The following TPT1 variants were observed in gnomAD, a reference collection of about 807,000 sequenced individuals.
TPT1 encodes the protein translationally-controlled tumor protein.
A neutral mutation model predicts 22.8 loss-of-function variants in TPT1; 5 were observed. The observed-to-expected ratio is 0.22, with a 90% CI of 0.11 to 0.46. TPT1 has a LOEUF of 0.46. TPT1 is among the 20% of genes least tolerant of loss of function. The pLI is 0.99. For synonymous variants in TPT1, 89 were observed against 73.6 expected, an observed-to-expected ratio of 1.21 and a Z score of -1.07; for missense variants, 130 against 218.7, an observed-to-expected ratio of 0.59 and a Z score of 2.56.
chr13:45,336,549 A>T lies in TPT1; in HGVS notation c.*837T>A, dbSNP rs1015325592. The T allele has an allele frequency of 5.9e-5, 9 of 152,200 alleles. No homozygotes were observed. Among genetic ancestry groups the T allele is most frequent in the Non-Finnish European group, 1.2e-4 (8 of 68,042 alleles). The allele number at this position is 152,200 out of a possible 1,614,324, so 9.4% of individuals were successfully genotyped here. A position where few individuals can be genotyped will look rare whatever the true frequency, so the allele number is the denominator to read the frequency against. On this transcript the variant is annotated 3_prime_UTR_variant, in exon 6 of 6. Coordinates refer to ENST00000530705, the MANE Select transcript of TPT1 (RefSeq NM_003295.4). ...CATTCTGTGTACCTTCATCTTTTAA[A>T]TCAGGGGCTGGCAAACTTGCAGGCT...
chr13:45,338,690 G>C lies in TPT1; in HGVS notation c.486C>G (p.Phe162Leu). 6.2e-7 allele frequency: 1 copy of C among 1,613,376 alleles called. No homozygotes were observed. The highest frequency in any genetic ancestry group is 8.5e-7 in the Non-Finnish European group (1 of 1,179,852). ...REDGVTPYMI[F>L]FKDGLEMEKC ...TTTCCATTTCTAAACCATCCTTAAAGAAAATCATATATGGGGTCACACCAT... is the reference window on the plus strand; with the variant it reads ...TTTCCATTTCTAAACCATCCTTAAACAAAATCATATATGGGGTCACACCAT... The change falls in exon 5 of 6, where the codon TTC becomes TTG. Residue 162 changes from phenylalanine (F) to leucine (L), a missense_variant. By Grantham distance (22) the Phe-to-Leu change is conservative. Transcript: ENST00000530705.
chr13:45,337,075 A>T lies in TPT1; in HGVS notation c.*311T>A, dbSNP rs2138323720. 3 of 403,232 alleles carry T rather than the reference A, an allele frequency of 7.4e-6. No homozygotes were observed. In the South Asian group the frequency reaches 8.7e-5, roughly 12 times the overall value. The allele number at this position is 403,232 out of a possible 1,614,324, so 25.0% of individuals were successfully genotyped here. A position where few individuals can be genotyped will look rare whatever the true frequency, so the allele number is the denominator to read the frequency against. Reference sequence around the variant, plus strand: ...AGAAGTAGTCTCCACTGTAGAAGTTAATTGATGAGTAGTAGCCTACAATCA... The same window carrying T: ...AGAAGTAGTCTCCACTGTAGAAGTTTATTGATGAGTAGTAGCCTACAATCA... On this transcript the variant is annotated 3_prime_UTR_variant, in exon 6 of 6. Coordinates refer to ENST00000530705, the MANE Select transcript of TPT1 (RefSeq NM_003295.4).
chr13:45,340,560 G>A (rs1170840230), intron 2 of TPT1, 152 bp downstream of exon 2: 4 of 974,512 alleles, frequency 4.1e-6, no homozygotes, highest in Non-Finnish European at 3.2e-6. Flanking sequence ...GATCAGCTCC[G>A]CCTCCAGTTT....
At position 45,336,166 on chromosome 13, in the gene TPT1, T is replaced by C. The variant is rs1329473772; in HGVS notation, c.*1220A>G. Reference sequence around the variant, plus strand: ...TACAAAAATTAGCTGGGCATAGGGGTGCATGCCTGCAGTCCCAGCAACTAG... The same window carrying C: ...TACAAAAATTAGCTGGGCATAGGGGCGCATGCCTGCAGTCCCAGCAACTAG... On this transcript the variant is annotated 3_prime_UTR_variant, in exon 6 of 6. Transcript: ENST00000530705. 1 of 152,090 alleles carries C rather than the reference T, an allele frequency of 6.6e-6. No homozygotes were observed. The highest frequency in any genetic ancestry group is 1.9e-4 in the East Asian group (1 of 5,188). 9.4% of individuals were successfully genotyped at this position (152,090 alleles called of 1,614,324 possible).
At chr13:45,338,260 C>A in intron 5 of TPT1, 1 of 196,278 alleles carries the variant, frequency 5.1e-6, no homozygotes, top group South Asian at 1.0e-4. Flanking sequence ...GCTGGGATTA[C>A]AGGTGCCCGC....
chr13:45,339,700 A>T, intron 3 of TPT1, 98 bp from the exon 4 acceptor site: 1 of 1,131,872 alleles, frequency 8.8e-7, no homozygotes, highest in Non-Finnish European at 1.3e-6. Flanking sequence ...GAAAACACTG[A>T]AAAAGGCAAC....
At position 45,336,103 on chromosome 13, in the gene TPT1, T is replaced by C. The variant is rs915030938; in HGVS notation, c.*1283A>G. The C allele has an allele frequency of 6.6e-6, 1 of 152,006 alleles. No individual in the cohort carries two copies. Among genetic ancestry groups the C allele is most frequent in the Non-Finnish European group, 1.5e-5 (1 of 68,004 alleles). The allele number at this position is 152,006 out of a possible 1,614,324, so 9.4% of individuals were successfully genotyped here. ...GGGCAGATCTCCTTGAGCCCAGGAGTTGAGACCACCCTGGGCAACTAAGCG... is the reference window on the plus strand; with the variant it reads ...GGGCAGATCTCCTTGAGCCCAGGAGCTGAGACCACCCTGGGCAACTAAGCG... On this transcript the variant is annotated 3_prime_UTR_variant, in exon 6 of 6. Coordinates refer to ENST00000530705, the MANE Select transcript of TPT1 (RefSeq NM_003295.4).
chr13:45,341,094 A>T lies in TPT1; in HGVS notation c.-25T>A, dbSNP rs770667436. On this transcript the variant is annotated 5_prime_UTR_variant, in exon 1 of 6. Coordinates refer to ENST00000530705, the MANE Select transcript of TPT1 (RefSeq NM_003295.4). ...TGATGGCGACTGAAGGGAGACGACG[A>T]CGGCGCTAGCTTAGCACGAGCCTGA... The T allele has an allele frequency of 6.2e-7, 1 of 1,612,228 alleles. No homozygotes were observed. The highest frequency in any genetic ancestry group is 1.1e-5 in the South Asian group (1 of 90,856).
At chr13:45,339,847 A>T in intron 3 of TPT1, 147 bp downstream of exon 3, 1 of 934,088 alleles carries the variant, frequency 1.1e-6, no homozygotes, top group Non-Finnish European at 1.6e-6. Flanking sequence ...ATTATAGAAA[A>T]GCAACCACTC....
chr13:45,338,616 GTCT>G (rs1566176341), intron 5 of TPT1, 41 bp downstream of exon 5: 7 of 1,597,864 alleles, frequency 4.4e-6, no homozygotes, highest in Admixed American at 3.6e-5. Context: ...CATCTAAAAT[GTCT>G]TTTTTACATT....
In TPT1 at chr13:45,341,153, G is replaced by A. The variant is rs555788581; in HGVS notation, c.-84C>T. 25 of 1,572,744 alleles carry A rather than the reference G, an allele frequency of 1.6e-5. No homozygotes were observed. The East Asian group carries it at 1.6e-4, about 10-fold the overall frequency. The stretch of plus-strand genomic sequence containing the variant: ...GCGAGCGCGGTGCAGCCGGAGCGGC[G>A]CTCGGGGGGAGGGGGGAGCGGGCGG... On this transcript the variant is annotated 5_prime_UTR_variant, in exon 1 of 6. Coordinates refer to ENST00000530705, the MANE Select transcript of TPT1 (RefSeq NM_003295.4).
intron 1 of TPT1, 54 bp from the exon 2 acceptor site, chr13:45,340,839 G>C (rs1415675636): frequency 5.4e-6 from 8 of 1,486,136 alleles, no homozygotes; most frequent in Admixed American, 2.6e-5. Flanking sequence ...GCCATTTCCC[G>C]CATTTCCCGC....
rs1367004583 is a variant in TPT1 at position 45,334,276 on chromosome 13, T to G, written c.*3110A>C. The G allele has an allele frequency of 6.6e-6, 1 of 152,246 alleles. No individual in the cohort carries two copies. The highest frequency in any genetic ancestry group is 1.5e-5 in the Non-Finnish European group (1 of 68,064). The allele number at this position is 152,246 out of a possible 1,614,324, so 9.4% of individuals were successfully genotyped here. On this transcript the variant is annotated 3_prime_UTR_variant, in exon 6 of 6. Transcript: ENST00000530705. ...GCCTCTAACAATCCTACCTCAGCCT[T>G]CTGAGTACAAGTGCAGTGGGAGCAC...
chr13:45,339,748 T>C (rs1333311202), intron 3 of TPT1, 146 bp from the exon 4 acceptor site: 1 of 780,316 alleles, frequency 1.3e-6, no homozygotes, highest in African/African-American at 1.8e-5. Flanking sequence ...GAAGGTATCT[T>C]TCAAGAATGT....
intron 2 of TPT1, 169 bp from the exon 3 acceptor site, chr13:45,340,353 T>TA (rs762540892): frequency 1.0e-6 from 1 of 996,632 alleles, no homozygotes; most frequent in Non-Finnish European, 1.5e-6. Flanking sequence ...CGACCTAACT[T>TA]AAAAGAGTTG....
chr13:45,338,396 GGT>G (rs1413386750), intron 5 of TPT1: 1 of 530,854 alleles, frequency 1.9e-6, no homozygotes, highest in Non-Finnish European at 3.0e-6. Flanking sequence ...TGAAATTACA[GGT>G]GTGAGCCACC....
chr13:45,338,657 T>C lies in TPT1; in HGVS notation c.516+3A>G, dbSNP rs1878879249. ...TTATTTTAACCCACTTCCTTGTACT[T>C]ACACATTTTTCCATTTCTAAACCAT... On this transcript the variant is annotated splice_donor_region_variant and intron_variant, in intron 5 of 5. Transcript: ENST00000530705. 6.2e-7 allele frequency: 1 copy of C among 1,612,384 alleles called. No homozygotes were observed. Among genetic ancestry groups the C allele is most frequent in the Non-Finnish European group, 8.5e-7 (1 of 1,179,588 alleles).
In TPT1 at chr13:45,340,745, G is replaced by C; in HGVS notation, c.69C>G (p.Ile23Met). The C allele has an allele frequency of 6.6e-7, 1 of 1,520,670 alleles. No homozygotes were observed. Among genetic ancestry groups the C allele is most frequent in the Non-Finnish European group, 8.8e-7 (1 of 1,135,370 alleles). The allele number at this position is 1,520,670 out of a possible 1,614,324, so 94.2% of individuals were successfully genotyped here. The stretch of plus-strand genomic sequence containing the variant: ...CCACCTCCAGGCACAACCCGTCCGC[G>C]ATCTCCCGGATCTTGTAGATGTCGG... ...MFSDIYKIRE[I>M]ADGLCLEVEG... Residue 23 changes from isoleucine to methionine, a missense_variant, in exon 2 of 6, where the codon ATC (isoleucine) becomes ATG (methionine). By Grantham distance (10) the Ile-to-Met change is conservative. Coordinates refer to ENST00000530705, the MANE Select transcript of TPT1 (RefSeq NM_003295.4).
In TPT1 at chr13:45,333,837, A is replaced by G. The variant is rs965426615; in HGVS notation, c.*3549T>C. 2 of 152,180 alleles carry G rather than the reference A, an allele frequency of 1.3e-5. No individual in the cohort carries two copies. The highest frequency in any genetic ancestry group is 2.9e-5 in the Non-Finnish European group (2 of 68,028). The allele number at this position is 152,180 out of a possible 1,614,324, so 9.4% of individuals were successfully genotyped here. A position where few individuals can be genotyped will look rare whatever the true frequency, so the allele number is the denominator to read the frequency against. The stretch of plus-strand genomic sequence containing the variant: ...CCTCATATTACTTAAGTACTTTGCA[A>G]CAGGTAACCCTGTTGACTACTTCCT... On this transcript the variant is annotated 3_prime_UTR_variant, in exon 6 of 6. Transcript: ENST00000530705.
Sources: allele counts gnomAD v4.1 joint callset, GRCh38; gene constraint gnomAD v4.1.1; transcripts MANE v1.5; gene names NCBI Gene and HGNC (gene_info 2026-07-23, HGNC 2026-07-21).